EYA3: variants seen among roughly 807,000 people sequenced by gnomAD.
EYA3 encodes the protein EYA transcriptional coactivator and phosphatase 3.
EYA3 carries 39 observed loss-of-function variants against 80.0 expected under a neutral mutation model. The observed-to-expected ratio is 0.49, with a 90% CI of 0.38 to 0.64. The LOEUF (loss-of-function observed/expected upper bound fraction) is 0.64, where lower values mean the gene tolerates loss of function less well. Among genes scored for constraint, EYA3 ranks in the 30% least tolerant of loss-of-function variants. EYA3 has a pLI of 0.00. For missense variants in EYA3, 523 were observed against 676.1 expected, an observed-to-expected ratio of 0.77 and a Z score of 2.51; for synonymous variants, 206 against 232.8, an observed-to-expected ratio of 0.88 and a Z score of 1.05.
At chr1:28,015,642 C>A (rs1490261177) in intron 8 of EYA3, among the ~76,000 whole-genome samples, 1 of 151,884 alleles carries the variant, frequency 6.6e-6, no homozygotes, top group Non-Finnish European at 1.5e-5. Context: ...AATGAACAGG[C>A]ACAAGGGGGA....
rs1225968269 is a variant in EYA3 at position 28,002,004 on chromosome 1, C to T, written c.994-1955G>A. 3.3e-5 allele frequency among the ~76,000 whole-genome samples: 5 copies of T among 152,194 alleles called. No individual in the cohort carries two copies. In the East Asian group the frequency reaches 7.8e-4, roughly 24 times the overall value. On this transcript the variant is annotated intron_variant, in intron 11 of 17. Coordinates refer to ENST00000373871, the MANE Select transcript of EYA3 (RefSeq NM_001990.4). ...GATCTCAGCTCACCGCAACCTCCGC[C>T]TCCCAGGTTCAAGCGATTCTCCTGC...
At chr1:27,980,435 A>G (rs778827085) in intron 16 of EYA3, among the ~76,000 whole-genome samples, 22 of 152,224 alleles carry the variant, frequency 1.4e-4, no homozygotes, top group Non-Finnish European at 2.8e-4. Flanking sequence ...TTTTGAGGAT[A>G]AGAACACAGA....
intron 2 of EYA3, among the ~76,000 whole-genome samples, chr1:28,055,825 G>C (rs763451366): frequency 6.6e-6 from 1 of 151,832 alleles, no homozygotes; most frequent in Admixed American, 6.6e-5. Flanking sequence ...ATAAGAGAAG[G>C]GATAATTCAA....
chr1:28,060,657 T>C (rs1391990815), intron 1 of EYA3, among the ~76,000 whole-genome samples: 4 of 152,236 alleles, frequency 2.6e-5, no homozygotes, highest in Non-Finnish European at 5.9e-5. Context: ...ATCTTTAAAA[T>C]TCTCTGTCTT....
chr1:28,052,549 C>T (rs1294865780), intron 2 of EYA3, among the ~76,000 whole-genome samples: 1 of 152,154 alleles, frequency 6.6e-6, no homozygotes, highest in Admixed American at 6.5e-5. Flanking sequence ...TGAACTCGTA[C>T]CTCAAGCCAT....
chr1:28,069,405 G>A (rs1361233081), intron 1 of EYA3, among the ~76,000 whole-genome samples: 5 of 151,940 alleles, frequency 3.3e-5, no homozygotes, highest in Non-Finnish European at 5.9e-5. Context: ...CACCATGGCC[G>A]GCCAAAACAA....
At position 27,974,278 on chromosome 1, in the gene EYA3, A is replaced by AGGCAGAGAGG; in HGVS notation, c.*187_*188insCCTCTCTGCC. ...TAAAGACAGAGAGAGAGAGAGAGAG[A>AGGCAGAGAGG]GAGGCAGAGAGGGAGGGAGAGAGGA... On this transcript the variant is annotated 3_prime_UTR_variant, in exon 18 of 18. Coordinates refer to ENST00000373871, the MANE Select transcript of EYA3 (RefSeq NM_001990.4). 2 of 425,710 alleles carry AGGCAGAGAGG rather than the reference A, an allele frequency of 4.7e-6. No individual in the cohort carries two copies. Among genetic ancestry groups the AGGCAGAGAGG allele is most frequent in the South Asian group, 3.2e-5 (1 of 30,826 alleles). 26.4% of individuals were successfully genotyped at this position (425,710 alleles called of 1,614,324 possible). A position where few individuals can be genotyped will look rare whatever the true frequency, so the allele number is the denominator to read the frequency against.
intron 14 of EYA3, 125 bp downstream of exon 14, chr1:27,993,275 A>G: frequency 9.9e-7 from 1 of 1,012,084 alleles, no homozygotes; most frequent in East Asian, 2.7e-5. Context: ...TTAAATACAG[A>G]GTTTAACATA....
rs771069180 is a variant in EYA3, at chr1:27,992,217, CT to C, written c.1303+1182del. Among the ~76,000 whole-genome samples, 8 of 152,014 alleles carry C rather than the reference CT, an allele frequency of 5.3e-5. 1 individual carries two copies. The highest frequency in any genetic ancestry group is 2.6e-4 in the Admixed American group (4 of 15,262). ...TACCTCTAGGCCAGCAGTCCTCAACCTTTTCAGCACCAGGGACCAGTTTCGT... is the reference window on the plus strand; with the variant it reads ...TACCTCTAGGCCAGCAGTCCTCAACCTTTCAGCACCAGGGACCAGTTTCGT... On this transcript the variant is annotated intron_variant, in intron 14 of 17. Transcript: ENST00000373871.
At chr1:28,059,755 G>A (rs1302009734) in intron 1 of EYA3, among the ~76,000 whole-genome samples, 1 of 130,326 alleles carries the variant, frequency 7.7e-6, no homozygotes, top group Non-Finnish European at 1.6e-5. Flanking sequence ...GGGTTTCGCT[G>A]TGTCACCCAG....
intron 17 of EYA3, chr1:27,977,161 G>T (rs1638972199): frequency 7.0e-7 from 1 of 1,433,818 alleles, no homozygotes; most frequent in Non-Finnish European, 9.1e-7. Flanking sequence ...CCCAAAGAGG[G>T]CAACAAGAAG....
intron 3 of EYA3, among the ~76,000 whole-genome samples, chr1:28,045,819 T>C (rs1643982538): frequency 6.6e-6 from 1 of 152,130 alleles, no homozygotes; most frequent in East Asian, 1.9e-4. Flanking sequence ...TCCAAGTCCA[T>C]AAAGTGGCAC....
chr1:27,978,726 G>A (rs1639108661), intron 16 of EYA3, among the ~76,000 whole-genome samples: 1 of 152,206 alleles, frequency 6.6e-6, no homozygotes, highest in South Asian at 2.1e-4. Context: ...CACTTTGGGA[G>A]ACCGAGGCGG....
chr1:28,052,507 G>A (rs984889583), intron 2 of EYA3, among the ~76,000 whole-genome samples: 5 of 152,152 alleles, frequency 3.3e-5, no homozygotes, highest in East Asian at 1.9e-4. Flanking sequence ...ATGATTCAAC[G>A]AAGGAAGAAT....
intron 1 of EYA3, among the ~76,000 whole-genome samples, chr1:28,065,815 G>A (rs914817658): frequency 1.1e-4 from 16 of 150,870 alleles, no homozygotes; most frequent in Admixed American, 9.2e-4. Flanking sequence ...CCAGCCTGGC[G>A]AACATGGTGA....
At chr1:28,064,853 T>C (rs1310973803) in intron 1 of EYA3, among the ~76,000 whole-genome samples, 1 of 152,196 alleles carries the variant, frequency 6.6e-6, no homozygotes, top group African/African-American at 2.4e-5. Context: ...CAGGTGGTAT[T>C]ATCATCCTCA....
At chr1:28,076,141 C>G (rs535297687) in intron 1 of EYA3, among the ~76,000 whole-genome samples, 26 of 152,328 alleles carry the variant, frequency 1.7e-4, no homozygotes, top group Non-Finnish European at 2.5e-4. Flanking sequence ...ATGGGACTTT[C>G]TGTAGACAGA....
chr1:28,052,065 G>C (rs1320619696), intron 2 of EYA3, among the ~76,000 whole-genome samples: 1 of 151,974 alleles, frequency 6.6e-6, no homozygotes, highest in Non-Finnish European at 1.5e-5. Context: ...CTGGAGTGCA[G>C]TGGTGCGATC....
chr1:27,984,874 T>C (rs1394601952), intron 16 of EYA3, among the ~76,000 whole-genome samples: 1 of 152,154 alleles, frequency 6.6e-6, no homozygotes, highest in Non-Finnish European at 1.5e-5. Context: ...TCTCCAACTC[T>C]CCTTCCATTC....
Sources: allele counts gnomAD v4.1 joint callset (sites outside exome capture counted in the v4.1 genomes callset), GRCh38; gene constraint gnomAD v4.1.1; transcripts MANE v1.5; gene names NCBI Gene and HGNC (gene_info 2026-07-23, HGNC 2026-07-21).